Variants in LRP1B observed in about 807,000 individuals in gnomAD.
LRP1B encodes the protein low-density lipoprotein receptor-related protein 1B.
LRP1B carries 217 observed loss-of-function variants against 556.6 expected under a neutral mutation model. The ratio of observed to expected loss-of-function variants is 0.39; its 90% confidence interval spans 0.35 to 0.44. The LOEUF (loss-of-function observed/expected upper bound fraction) is 0.44, where lower values mean the gene tolerates loss of function less well. Ranked by LOEUF, LRP1B falls within the 20% of genes least tolerant of loss-of-function variation. The pLI is 1.00. For missense variants in LRP1B, 5,053 were observed against 5,620.8 expected (o/e 0.90, Z 3.23); for synonymous variants, 2,047 against 1,865.8 (o/e 1.10, Z -2.50).
At chr2:141,579,545 G>A (rs961634858) in intron 2 of LRP1B, among the ~76,000 whole-genome samples, 1 of 151,994 alleles carries the variant, frequency 6.6e-6, no homozygotes, top group Non-Finnish European at 1.5e-5. Flanking sequence ...TGGCATGTAT[G>A]AACTAATAAT....
chr2:141,638,721 T>C lies in LRP1B; in HGVS notation c.206-158188A>G, dbSNP rs1689193205. ...AAGCAATTTGAAGGCTTATGTGACA[T>C]AGTTAATAAAAAGAAATATGAGCCA... On this transcript the variant is annotated intron_variant, in intron 2 of 90. Coordinates refer to ENST00000389484, the MANE Select transcript of LRP1B (RefSeq NM_018557.3). Among the ~76,000 whole-genome samples, 4 of 109,732 alleles carry C rather than the reference T, an allele frequency of 3.6e-5. No homozygotes were observed. The South Asian group carries it at 1.1e-3, about 31-fold the overall frequency. 72.0% of individuals were successfully genotyped at this position (109,732 alleles called of 152,430 possible).
At chr2:141,986,098 A>G (rs2105105013) in intron 1 of LRP1B, among the ~76,000 whole-genome samples, 1 of 152,070 alleles carries the variant, frequency 6.6e-6, no homozygotes, top group South Asian at 2.1e-4. Flanking sequence ...TCTAAAATTA[A>G]GAGCTAAACA....
Position 140,709,672 on chromosome 2 carries a change from A to T in LRP1B, c.6023+6301T>A, listed in dbSNP as rs1239596238. On this transcript the variant is annotated intron_variant, in intron 37 of 90. Coordinates refer to ENST00000389484, the MANE Select transcript of LRP1B (RefSeq NM_018557.3). ...TTTTCAAGGCATGTTTTTACTTTGA[A>T]TTCAGCTAATTCACTCCATTATGGT... is the stretch of plus-strand genomic sequence containing the variant. 2.6e-5 allele frequency among the ~76,000 whole-genome samples: 4 copies of T among 152,190 alleles called. No individual in the cohort carries two copies. The East Asian group carries it at 7.7e-4, about 29-fold the overall frequency.
chr2:140,285,155 A>ATG (rs1376601065), intron 84 of LRP1B, among the ~76,000 whole-genome samples: 1 of 149,376 alleles, frequency 6.7e-6, no homozygotes, highest in African/African-American at 2.4e-5. Context: ...ACATGTATAT[A>ATG]TGTGTGTGTA....
intron 1 of LRP1B, among the ~76,000 whole-genome samples, chr2:141,961,164 A>C (rs1701394700): frequency 6.6e-6 from 1 of 151,670 alleles, no homozygotes; most frequent in Admixed American, 6.6e-5. Context: ...GGCCAAATTA[A>C]ATTTAAATGA....
At position 141,367,471 on chromosome 2, in the gene LRP1B, CTTTTTTTTTTTTTTTTT is replaced by C. The variant is rs1169568111; in HGVS notation, c.344-112847_344-112831del. ...TGGATTGGTTTAGACATTTGAAATG[CTTTTTTTTTTTTTTTTT>C]TTTTTTTTTTTTGAGATGAAGTCTT... On this transcript the variant is annotated intron_variant, in intron 3 of 90. Coordinates refer to ENST00000389484, the MANE Select transcript of LRP1B (RefSeq NM_018557.3). 1.8e-4 allele frequency among the ~76,000 whole-genome samples: 8 copies of C among 44,940 alleles called. No individual in the cohort carries two copies. The East Asian group carries it at 5.2e-3, about 29-fold the overall frequency. The allele number at this position is 44,940 out of a possible 152,430, so 29.5% of individuals were successfully genotyped here. A position where few individuals can be genotyped will look rare whatever the true frequency, so the allele number is the denominator to read the frequency against.
chr2:140,529,068 G>A (rs1378450134), intron 47 of LRP1B, among the ~76,000 whole-genome samples: 1 of 151,958 alleles, frequency 6.6e-6, no homozygotes, highest in African/African-American at 2.4e-5. Flanking sequence ...AGCCAAGGGA[G>A]AGATACTACA....
intron 49 of LRP1B, among the ~76,000 whole-genome samples, chr2:140,518,730 T>C (rs1690024994): frequency 6.6e-6 from 1 of 152,190 alleles, no homozygotes; most frequent in South Asian, 2.1e-4. Flanking sequence ...TTTGGCTCTC[T>C]GTCTGTTATT....
At chr2:140,325,686 C>CCATA in intron 80 of LRP1B, 76 bp downstream of exon 80, 1 of 935,502 alleles carries the variant, frequency 1.1e-6, no homozygotes, top group Non-Finnish European at 1.6e-6. Flanking sequence ...AGTAAAGTAT[C>CCATA]CATACTTACA....
intron 2 of LRP1B, among the ~76,000 whole-genome samples, chr2:141,715,482 A>AT (rs1162234223): frequency 4.6e-5 from 7 of 151,960 alleles, no homozygotes; most frequent in Admixed American, 1.3e-4. Context: ...AAATAAATAT[A>AT]TTAATAAAGT....
At chr2:141,369,886 T>C (rs1194701902) in intron 3 of LRP1B, among the ~76,000 whole-genome samples, 2 of 152,204 alleles carry the variant, frequency 1.3e-5, no homozygotes, top group Non-Finnish European at 1.5e-5. Context: ...AAAAAGAACA[T>C]GCAGTATTTG....
In LRP1B at chr2:140,516,964, C is replaced by T. The variant is rs1689932454; in HGVS notation, c.8074G>A (p.Gly2692Arg). The T allele has an allele frequency of 6.2e-7, 1 of 1,602,992 alleles. No homozygotes were observed. The highest frequency in any genetic ancestry group is 1.1e-5 in the South Asian group (1 of 90,892). Residue 2692 changes from glycine to arginine, a missense_variant, in exon 50 of 91, where the codon GGA becomes AGA. Around this residue, in one of 5 missense-constraint regions of LRP1B, gnomAD observed 3,619 missense variants for 3,931.9 expected, o/e 0.92. Coordinates refer to ENST00000389484, the MANE Select transcript of LRP1B (RefSeq NM_018557.3). Reference sequence around the variant, plus strand: ...ATCCAGGTATTCAAAATGCATCTTCCACTAGGACAACTAAAATAATTTTCT... The same window carrying T: ...ATCCAGGTATTCAAAATGCATCTTCTACTAGGACAACTAAAATAATTTTCT... Reference protein sequence around the residue: ...CEENYFSCPSGRCILNTWICD... With the variant: ...CEENYFSCPSRRCILNTWICD...
At chr2:141,498,817 A>G (rs1174353922) in intron 2 of LRP1B, among the ~76,000 whole-genome samples, 3 of 151,978 alleles carry the variant, frequency 2.0e-5, no homozygotes, top group Non-Finnish European at 4.4e-5. Context: ...CATGCTTTCT[A>G]TCTTTGAGTA....
intron 2 of LRP1B, among the ~76,000 whole-genome samples, chr2:141,736,345 C>T (rs1693467805): frequency 6.6e-6 from 1 of 152,052 alleles, no homozygotes; most frequent in East Asian, 1.9e-4. Context: ...GTGAATATAA[C>T]CTTATTTAAA....
intron 66 of LRP1B, among the ~76,000 whole-genome samples, chr2:140,408,600 T>C (rs1342274417): frequency 6.6e-6 from 1 of 151,952 alleles, no homozygotes; most frequent in Non-Finnish European, 1.5e-5. Flanking sequence ...AGGATTAAGA[T>C]ACTCAGAACA....
intron 77 of LRP1B, among the ~76,000 whole-genome samples, chr2:140,340,360 GA>G (rs1194200467): frequency 6.6e-6 from 1 of 151,532 alleles, no homozygotes; most frequent in Non-Finnish European, 1.5e-5. Context: ...ATAACAGTTT[GA>G]AATATTATCC....
intron 1 of LRP1B, among the ~76,000 whole-genome samples, chr2:141,958,178 C>T (rs1033328521): frequency 6.6e-6 from 1 of 151,938 alleles, no homozygotes; most frequent in Non-Finnish European, 1.5e-5. Flanking sequence ...TTAGCGTCAC[C>T]CTGGTAAACA....
intron 2 of LRP1B, among the ~76,000 whole-genome samples, chr2:141,636,340 C>T (rs911023143): frequency 1.3e-5 from 2 of 151,966 alleles, no homozygotes; most frequent in African/African-American, 4.8e-5. Context: ...GAATTCTTAA[C>T]GTAATAAATT....
At chr2:141,261,365 T>C (rs1281696468) in intron 3 of LRP1B, among the ~76,000 whole-genome samples, 1 of 152,154 alleles carries the variant, frequency 6.6e-6, no homozygotes, top group East Asian at 1.9e-4. Context: ...TTTAATGAAG[T>C]CCATATTTTA....
Sources: gnomAD v4.1 joint callset for allele counts (sites outside exome capture counted in the v4.1 genomes callset) on GRCh38, gnomAD v4.1.1 for gene constraint, gnomAD v4.1.1 regional missense constraint, MANE v1.5 for transcripts, NCBI Gene and HGNC (gene_info 2026-07-23, HGNC 2026-07-21) for gene names.